Variants in PCDHAC1 observed in about 807,000 individuals in gnomAD.
PCDHAC1 encodes protocadherin alpha-C1.
A neutral mutation model predicts 60.0 loss-of-function variants in PCDHAC1; 42 were observed. The observed-to-expected ratio is 0.70, with a 90% CI of 0.55 to 0.90. The LOEUF (loss-of-function observed/expected upper bound fraction) is 0.90, where lower values mean the gene tolerates loss of function less well. PCDHAC1 is among the 40% of genes least tolerant of loss of function. The probability of loss-of-function intolerance (pLI) is 0.00; values close to 1 mark genes in which losing one functional copy is unlikely to be tolerated. For synonymous variants in PCDHAC1, 468 were observed against 499.3 expected (o/e 0.94, Z 0.84); for missense variants, 1,160 against 1,222.3 (o/e 0.95, Z 0.76).
intron 3 of PCDHAC1, among the ~76,000 whole-genome samples, chr5:141,004,049 A>T (rs1372116883): frequency 6.6e-6 from 1 of 152,208 alleles, no homozygotes; most frequent in African/African-American, 2.4e-5. Flanking sequence ...TCATTTGCTG[A>T]TACTGGCCCC....
At chr5:140,942,588 ATATAAT>A (rs1164852863) in intron 1 of PCDHAC1, among the ~76,000 whole-genome samples, 1 of 149,588 alleles carries the variant, frequency 6.7e-6, no homozygotes, top group Non-Finnish European at 1.5e-5. Flanking sequence ...AGGATGTCAC[ATATAAT>A]TATAGTGTTT....
At chr5:140,961,617 C>A (rs781986571) in intron 1 of PCDHAC1, among the ~76,000 whole-genome samples, 47 of 152,204 alleles carry the variant, frequency 3.1e-4, no homozygotes, top group Middle Eastern at 3.4e-3. Context: ...AACTAAAGTG[C>A]CCATATGAAA....
At chr5:140,951,276 T>C (rs1554219829) in intron 1 of PCDHAC1, among the ~76,000 whole-genome samples, 1 of 152,200 alleles carries the variant, frequency 6.6e-6, no homozygotes, top group African/African-American at 2.4e-5. Context: ...CTATGTTAGG[T>C]AATTTTGGAT....
In PCDHAC1 at chr5:141,010,127, T is replaced by A. The variant is rs1419190844; in HGVS notation, c.*190T>A. On this transcript the variant is annotated 3_prime_UTR_variant, in exon 4 of 4. Transcript: ENST00000253807. ...TTTGTCGTAAAAGCTTTACTAAGTC[T>A]GGTGTTAACTCTTTCTCTCCACTCT... The A allele has an allele frequency of 1.9e-6, 3 of 1,602,472 alleles. No individual in the cohort carries two copies. Among genetic ancestry groups the A allele is most frequent in the Non-Finnish European group, 2.6e-6 (3 of 1,173,756 alleles).
intron 1 of PCDHAC1, among the ~76,000 whole-genome samples, chr5:140,957,344 G>A (rs994510401): frequency 5.9e-5 from 9 of 152,114 alleles, no homozygotes; most frequent in Non-Finnish European, 1.2e-4. Context: ...TATTTTGAGA[G>A]AGAGACCACA....
At chr5:140,943,500 G>C (rs907493905) in intron 1 of PCDHAC1, among the ~76,000 whole-genome samples, 1 of 152,048 alleles carries the variant, frequency 6.6e-6, no homozygotes, top group Admixed American at 6.6e-5. Context: ...TGCTATCAAG[G>C]TTCATGGAAA....
Position 141,010,924 on chromosome 5 carries a change from T to G in PCDHAC1, c.*987T>G, listed in dbSNP as rs1016736721. 1 of 153,778 alleles carries G rather than the reference T, an allele frequency of 6.5e-6. No homozygotes were observed. Among genetic ancestry groups the G allele is most frequent in the Non-Finnish European group, 1.5e-5 (1 of 68,046 alleles). 9.5% of individuals were successfully genotyped at this position (153,778 alleles called of 1,614,324 possible). A position where few individuals can be genotyped will look rare whatever the true frequency, so the allele number is the denominator to read the frequency against. Reference sequence around the variant, plus strand: ...CCCCTAAACTCTCCTCAAAAGAGAATTCAGTCTACAGCCATTTAAATGATC... The same window carrying G: ...CCCCTAAACTCTCCTCAAAAGAGAAGTCAGTCTACAGCCATTTAAATGATC... On this transcript the variant is annotated 3_prime_UTR_variant, in exon 4 of 4. Transcript: ENST00000253807.
rs1563376756 is a variant in PCDHAC1, at chr5:140,968,306, C to G, written c.2434-10643C>G. 1.9e-6 allele frequency: 3 copies of G among 1,613,808 alleles called. No individual in the cohort carries two copies. The highest frequency in any genetic ancestry group is 2.5e-6 in the Non-Finnish European group (3 of 1,179,908). On this transcript the variant is annotated intron_variant, in intron 1 of 3. Transcript: ENST00000253807. ...CTACTCCCTTCTGGAGAGGGAGATT[C>G]AAGGGCTGCCAGTCACCTCCTATGT... is the stretch of plus-strand genomic sequence containing the variant.
chr5:141,003,453 A>T (rs2098125483), intron 3 of PCDHAC1, among the ~76,000 whole-genome samples: 1 of 152,126 alleles, frequency 6.6e-6, no homozygotes, highest in East Asian at 1.9e-4. Flanking sequence ...ATGAAATTAC[A>T]GGCGTGCACC....
chr5:140,951,959 A>C (rs2094664205), intron 1 of PCDHAC1, among the ~76,000 whole-genome samples: 1 of 152,202 alleles, frequency 6.6e-6, no homozygotes, highest in Admixed American at 6.5e-5. Context: ...GGCATTGGGT[A>C]AATACTCCTG....
At chr5:140,994,197 G>A (rs1449482897) in intron 3 of PCDHAC1, among the ~76,000 whole-genome samples, 1 of 152,196 alleles carries the variant, frequency 6.6e-6, no homozygotes. Context: ...GGGCCTGTTG[G>A]TCCAGAATGG....
chr5:140,951,659 C>T (rs1293655737), intron 1 of PCDHAC1, among the ~76,000 whole-genome samples: 3 of 152,164 alleles, frequency 2.0e-5, no homozygotes, highest in African/African-American at 7.2e-5. Flanking sequence ...CCCACCAGGG[C>T]CTGCCTACAA....
intron 1 of PCDHAC1, among the ~76,000 whole-genome samples, chr5:140,976,317 G>A (rs1284415282): frequency 6.6e-6 from 1 of 152,212 alleles, no homozygotes; most frequent in Admixed American, 6.5e-5. Context: ...TTGGGAGGCC[G>A]AGGAGGGTGG....
chr5:140,953,295 C>T (rs74485628), intron 1 of PCDHAC1, among the ~76,000 whole-genome samples: 3,568 of 152,144 alleles, frequency 0.023, 49 homozygotes, highest in Middle Eastern at 0.034. Flanking sequence ...GATTCAGGGA[C>T]GGCAGAGATG....
chr5:140,941,231 C>CTT (rs1554214107), intron 1 of PCDHAC1, among the ~76,000 whole-genome samples: 1 of 136,770 alleles, frequency 7.3e-6, no homozygotes, highest in African/African-American at 2.8e-5. Context: ...TTCTTTCTTT[C>CTT]TTTCTTTCTT....
At chr5:140,998,095 CA>C (rs1482651958) in intron 3 of PCDHAC1, among the ~76,000 whole-genome samples, 1 of 152,106 alleles carries the variant, frequency 6.6e-6, no homozygotes, top group Non-Finnish European at 1.5e-5. Flanking sequence ...AATGCTAGAG[CA>C]AACAGAGGAG....
chr5:140,965,999 A>T (rs1300275113), intron 1 of PCDHAC1, among the ~76,000 whole-genome samples: 1 of 152,140 alleles, frequency 6.6e-6, no homozygotes, highest in Non-Finnish European at 1.5e-5. Context: ...AGTACTTAAG[A>T]GTGTCCAGGG....
intron 3 of PCDHAC1, among the ~76,000 whole-genome samples, chr5:141,005,701 C>CAA (rs59860837): frequency 0.061 from 476 of 7,774 alleles, 114 homozygotes; most frequent in African/African-American, 0.16. Flanking sequence ...AACTCCGTCT[C>CAA]AAAAAAAAAA....
intron 1 of PCDHAC1, chr5:140,968,816 G>A: frequency 6.2e-7 from 1 of 1,614,144 alleles, no homozygotes. Context: ...GGTGGATAGG[G>A]TTTCCAAAAT....
Sources: gnomAD v4.1 joint callset for allele counts (sites outside exome capture counted in the v4.1 genomes callset) on GRCh38, gnomAD v4.1.1 for gene constraint, MANE v1.5 for transcripts, NCBI Gene and HGNC (gene_info 2026-07-23, HGNC 2026-07-21) for gene names.